The following USP3 variants were observed in gnomAD, a reference collection of about 807,000 sequenced individuals.
The protein encoded by USP3 is ubiquitin specific peptidase 3.
Under a neutral mutation model 72.3 loss-of-function variants are expected in USP3, and 20 were observed. The ratio of observed to expected loss-of-function variants is 0.28; its 90% CI spans 0.19 to 0.40. USP3 has a LOEUF of 0.40. Among genes scored for constraint, USP3 ranks in the 10% least tolerant of loss-of-function variants. The probability of loss-of-function intolerance (pLI) is 1.00; values close to 1 mark genes in which losing one functional copy is unlikely to be tolerated. For synonymous variants in USP3, 222 were observed against 225.3 expected, an observed-to-expected ratio of 0.99 and a Z score of 0.13; for missense variants, 479 against 633.9, an observed-to-expected ratio of 0.76 and a Z score of 2.62.
At chr15:63,517,659 C>T (rs1450402012) in intron 1 of USP3, among the ~76,000 whole-genome samples, 2 of 152,172 alleles carry the variant, frequency 1.3e-5, no homozygotes, top group Non-Finnish European at 2.9e-5. Context: ...TTCGGTTTTC[C>T]CTCTGGGAGG....
At chr15:63,561,682 A>G (rs1457090989) in intron 7 of USP3, among the ~76,000 whole-genome samples, 1 of 152,222 alleles carries the variant, frequency 6.6e-6, no homozygotes, top group African/African-American at 2.4e-5. Context: ...GAGCCTGAGA[A>G]GGCGAGTGTC....
In USP3 at chr15:63,591,366, T is replaced by C. The variant is rs1163414958; in HGVS notation, c.*540T>C. 1 of 152,416 alleles carries C rather than the reference T, an allele frequency of 6.6e-6. No individual in the cohort carries two copies. Among genetic ancestry groups the C allele is most frequent in the Non-Finnish European group, 1.5e-5 (1 of 68,198 alleles). 9.4% of individuals were successfully genotyped at this position (152,416 alleles called of 1,614,324 possible). ...AAATATAACAAAGGGCATCATTAAG[T>C]AGACCAGGTAATTACTGCTTGTCTC... is the stretch of plus-strand genomic sequence containing the variant. On this transcript the variant is annotated 3_prime_UTR_variant, in exon 15 of 15. Coordinates refer to ENST00000380324, the MANE Select transcript of USP3 (RefSeq NM_006537.4).
intron 2 of USP3, among the ~76,000 whole-genome samples, chr15:63,536,645 A>C (rs62011330): frequency 0.12 from 18,784 of 151,890 alleles, 1,562 homozygotes; most frequent in South Asian, 0.19. Flanking sequence ...TCAGGAGATC[A>C]AGACCATCCT....
chr15:63,548,149 C>T lies in USP3; in HGVS notation c.285-5566C>T, dbSNP rs1312157191. ...TAGTTACAAAAAACTAAAAAAAAAT[C>T]TTAGAGACAGGGTCTCTGTCACCCA... On this transcript the variant is annotated intron_variant, in intron 3 of 14. Coordinates refer to ENST00000380324, the MANE Select transcript of USP3 (RefSeq NM_006537.4). Among the ~76,000 whole-genome samples the T allele has an allele frequency of 4.6e-5, 7 of 151,388 alleles. No individual in the cohort carries two copies. The South Asian group carries it at 1.5e-3, about 32-fold the overall frequency.
At chr15:63,538,739 G>C (rs753684159) in intron 3 of USP3, among the ~76,000 whole-genome samples, 25 of 151,766 alleles carry the variant, frequency 1.6e-4, no homozygotes, top group Non-Finnish European at 3.5e-4. Context: ...GTAGAGACAG[G>C]GTTTCACCGT....
intron 1 of USP3, among the ~76,000 whole-genome samples, chr15:63,523,667 T>C (rs1326380450): frequency 2.0e-5 from 3 of 152,172 alleles, no homozygotes; most frequent in African/African-American, 7.2e-5. Context: ...GCTAGGAATT[T>C]TGTGAGAAAA....
intron 7 of USP3, among the ~76,000 whole-genome samples, chr15:63,560,700 A>T (rs942841739): frequency 2.0e-5 from 3 of 152,132 alleles, no homozygotes; most frequent in Non-Finnish European, 4.4e-5. Context: ...GAGGGGGGGA[A>T]GAAAACGGAC....
chr15:63,551,422 TTTTAA>T (rs896667359), intron 3 of USP3: 4 of 151,772 alleles, frequency 2.6e-5, no homozygotes, highest in Admixed American at 6.6e-5. Context: ...AAAATAAGTA[TTTTAA>T]TTTAATTGCC....
At position 63,529,060 on chromosome 15, in the gene USP3, A is replaced by G. The variant is rs1213790542; in HGVS notation, c.92-3587A>G. 2.3e-6 allele frequency: 3 copies of G among 1,288,786 alleles called. No individual in the cohort carries two copies. The highest frequency in any genetic ancestry group is 3.0e-6 in the Non-Finnish European group (3 of 988,460). 79.8% of individuals were successfully genotyped at this position (1,288,786 alleles called of 1,614,324 possible). The stretch of plus-strand genomic sequence containing the variant: ...TGACTGTATTATGCCCTCAGAGAGT[A>G]CTGTATGTTGCCCAGGCTGGCCTCG... On this transcript the variant is annotated intron_variant, in intron 1 of 14. Transcript: ENST00000380324. This position sits in a 1 kb window ranked among gnomAD's most constrained non-coding sequence, Gnocchi z 4.2.
intron 1 of USP3, among the ~76,000 whole-genome samples, chr15:63,506,828 T>G (rs1328253337): frequency 1.3e-5 from 2 of 152,250 alleles, no homozygotes; most frequent in Admixed American, 1.3e-4. Flanking sequence ...TCTAGTCACT[T>G]ACTTGGATTT....
At chr15:63,543,964 C>T (rs546958136) in intron 3 of USP3, among the ~76,000 whole-genome samples, 6 of 150,816 alleles carry the variant, frequency 4.0e-5, no homozygotes, top group Non-Finnish European at 7.4e-5. Context: ...AATCCTAGCA[C>T]TTTGGGAGGC....
At chr15:63,546,661 C>T (rs1354188681) in intron 3 of USP3, among the ~76,000 whole-genome samples, 2 of 152,014 alleles carry the variant, frequency 1.3e-5, no homozygotes, top group African/African-American at 2.4e-5. Context: ...ATGCAGTGGC[C>T]TGATCTCAGC....
chr15:63,581,571 T>TG (rs2066963717), intron 11 of USP3, among the ~76,000 whole-genome samples: 1 of 147,576 alleles, frequency 6.8e-6, no homozygotes, highest in Non-Finnish European at 1.5e-5. Context: ...TTTTTTTTTT[T>TG]TGGATTTTTG....
intron 6 of USP3, 22 bp from the exon 7 acceptor site, chr15:63,559,835 T>G (rs1478694100): frequency 6.3e-7 from 1 of 1,587,154 alleles, no homozygotes; most frequent in South Asian, 1.1e-5. Context: ...TTTAAAATAT[T>G]TTTCCCTTCC....
At position 63,532,631 on chromosome 15, in the gene USP3, T is replaced by C; in HGVS notation, c.92-16T>C. On this transcript the variant is annotated splice_polypyrimidine_tract_variant and intron_variant, in intron 1 of 14. Coordinates refer to ENST00000380324, the MANE Select transcript of USP3 (RefSeq NM_006537.4). The stretch of plus-strand genomic sequence containing the variant: ...CATGATGCAATTGGTATATTGTGTA[T>C]TTTTCTTTTTATTAGTGTGCCGGTC... 1.2e-6 allele frequency: 2 copies of C among 1,613,892 alleles called. No homozygotes were observed. Among genetic ancestry groups the C allele is most frequent in the Non-Finnish European group, 1.7e-6 (2 of 1,179,836 alleles).
intron 11 of USP3, among the ~76,000 whole-genome samples, chr15:63,582,562 C>G (rs1003807994): frequency 6.6e-6 from 1 of 152,198 alleles, no homozygotes; most frequent in African/African-American, 2.4e-5. Flanking sequence ...CTGATCATGT[C>G]TATTCCTTTT....
Position 63,588,622 on chromosome 15 carries a change from C to T in USP3, c.1216-80C>T. On this transcript the variant is annotated intron_variant, in intron 12 of 14. Transcript: ENST00000380324. This position sits in a 1 kb window ranked among gnomAD's most constrained non-coding sequence, Gnocchi z 4.6. ...GATAGGGCAGCTAAAATGTTATTTA[C>T]TGAACTGATAGTAGTATCAAACTTT... is the stretch of plus-strand genomic sequence containing the variant. 1 of 1,102,210 alleles carries T rather than the reference C, an allele frequency of 9.1e-7. No homozygotes were observed. Among genetic ancestry groups the T allele is most frequent in the East Asian group, 2.4e-5 (1 of 42,514 alleles). The allele number at this position is 1,102,210 out of a possible 1,614,324, so 68.3% of individuals were successfully genotyped here.
In USP3 at chr15:63,556,740, A is replaced by G. The variant is rs2066516203; in HGVS notation, c.442A>G (p.Lys148Glu). The change falls in exon 5 of 15, where the codon AAA (lysine) becomes GAA (glutamate). Residue 148 changes from lysine to glutamate, a missense_variant. Transcript: ENST00000380324. ...CTCAACACTAAACAGCAAGTTATTA[A>G]AAGTAAATGTAAGTAATTAAAATTT... ...ENSTLNSKLL[K>E]VNGSTTAICA... 1.9e-6 allele frequency: 3 copies of G among 1,590,818 alleles called. No individual in the cohort carries two copies. The highest frequency in any genetic ancestry group is 2.6e-6 in the Non-Finnish European group (3 of 1,165,952).
chr15:63,593,150 T>TA lies in USP3; in HGVS notation c.*2326dup, dbSNP rs1160543835. The TA allele has an allele frequency of 6.6e-6, 1 of 152,234 alleles. No individual in the cohort carries two copies. Among genetic ancestry groups the TA allele is most frequent in the East Asian group, 1.9e-4 (1 of 5,202 alleles). 9.4% of individuals were successfully genotyped at this position (152,234 alleles called of 1,614,324 possible). ...TCTTACAACTTTGAGTCCTAAAAGA[T>TA]AATAGGGAGATGTGTGCTTAAATTA... is the stretch of plus-strand genomic sequence containing the variant. On this transcript the variant is annotated 3_prime_UTR_variant, in exon 15 of 15. Transcript: ENST00000380324.
Sources: allele counts gnomAD v4.1 joint callset (sites outside exome capture counted in the v4.1 genomes callset), GRCh38; gene constraint gnomAD v4.1.1; non-coding constraint Gnocchi (gnomAD v3.1); transcripts MANE v1.5; gene names NCBI Gene and HGNC (gene_info 2026-07-23, HGNC 2026-07-21).